SH3BP4: variants seen among roughly 807,000 people sequenced by gnomAD.
SH3BP4 encodes SH3 domain-binding protein 4.
Under a neutral mutation model 65.5 loss-of-function variants are expected in SH3BP4, and 33 were observed. The ratio of observed to expected loss-of-function variants is 0.50; its 90% CI spans 0.38 to 0.67. The LOEUF (loss-of-function observed/expected upper bound fraction) is 0.67. Among genes scored for constraint, SH3BP4 ranks in the 30% least tolerant of loss-of-function variants. The pLI is 0.00. For missense variants in SH3BP4, 1,134 were observed against 1,261.4 expected (o/e 0.90, Z 1.53); for synonymous variants, 552 against 545.5 (o/e 1.01, Z -0.17).
At chr2:234,968,780 G>A (rs1202055221) in intron 1 of SH3BP4, among the ~76,000 whole-genome samples, 2 of 152,146 alleles carry the variant, frequency 1.3e-5, no homozygotes, top group African/African-American at 4.8e-5. Context: ...GGATGTTTCC[G>A]TTGCTTTGCA....
rs1559263831 is a variant in SH3BP4 at position 235,054,715 on chromosome 2, T to C, written c.*899T>C. Reference sequence around the variant, plus strand: ...CTTGAGGTCAAAGCAGTGCTTCCCATAGAGTTTGCTGCCTCTTCTGTGGAC... The same window carrying C: ...CTTGAGGTCAAAGCAGTGCTTCCCACAGAGTTTGCTGCCTCTTCTGTGGAC... On this transcript the variant is annotated 3_prime_UTR_variant, in exon 6 of 6. Coordinates refer to ENST00000392011, the MANE Select transcript of SH3BP4 (RefSeq NM_014521.3). 1 of 152,224 alleles carries C rather than the reference T, an allele frequency of 6.6e-6. No individual in the cohort carries two copies. Among genetic ancestry groups the C allele is most frequent in the Non-Finnish European group, 1.5e-5 (1 of 68,038 alleles). The allele number at this position is 152,224 out of a possible 1,614,324, so 9.4% of individuals were successfully genotyped here.
Position 235,053,690 on chromosome 2 carries a change from C to A in SH3BP4, c.2766C>A (p.Asp922Glu). 6.2e-7 allele frequency: 1 copy of A among 1,614,162 alleles called. No homozygotes were observed. Among genetic ancestry groups the A allele is most frequent in the Non-Finnish European group, 8.5e-7 (1 of 1,179,990 alleles). The change falls in exon 6 of 6, where the codon GAC becomes GAA. Residue 922 changes from aspartate to glutamate, a missense_variant. Transcript: ENST00000392011. ...DVIQELHLGLDKMKNPITKRW... is the reference protein window; with the variant it reads ...DVIQELHLGLEKMKNPITKRW... The stretch of plus-strand genomic sequence containing the variant: ...TCCAGGAGCTGCACCTGGGCCTGGA[C>A]AAGATGAAAAACCCCATCACCAAGC...
intron 2 of SH3BP4, among the ~76,000 whole-genome samples, chr2:235,000,917 T>A (rs191586238): frequency 3.1e-4 from 47 of 152,370 alleles, no homozygotes; most frequent in Non-Finnish European, 6.0e-4. Context: ...CGTCACCTTG[T>A]TCTGACCTCT....
intron 1 of SH3BP4, among the ~76,000 whole-genome samples, chr2:234,963,699 C>T (rs1692768671): frequency 6.6e-6 from 1 of 152,226 alleles, no homozygotes; most frequent in Non-Finnish European, 1.5e-5. Flanking sequence ...GGCCCACTCC[C>T]TCCTAGAAGG....
intron 1 of SH3BP4, among the ~76,000 whole-genome samples, chr2:234,959,262 C>T (rs1043870498): frequency 1.3e-5 from 2 of 152,176 alleles, no homozygotes; most frequent in African/African-American, 4.8e-5. Flanking sequence ...TCTTACCTGT[C>T]TGTTGTCCCC....
chr2:235,048,370 T>C (rs1240694878), intron 4 of SH3BP4, among the ~76,000 whole-genome samples: 1 of 152,130 alleles, frequency 6.6e-6, no homozygotes, highest in East Asian at 1.9e-4. Context: ...TCGCTCTGTC[T>C]CCTAGGCGGG....
At chr2:235,025,969 G>A (rs1376595769) in intron 2 of SH3BP4, among the ~76,000 whole-genome samples, 3 of 152,206 alleles carry the variant, frequency 2.0e-5, no homozygotes, top group African/African-American at 2.4e-5. Flanking sequence ...ACGGAGGAAG[G>A]TGTGAAGAAT....
intron 1 of SH3BP4, among the ~76,000 whole-genome samples, chr2:234,969,341 A>C (rs1296887329): frequency 2.0e-5 from 3 of 152,072 alleles, no homozygotes; most frequent in African/African-American, 7.2e-5. Flanking sequence ...CTCATGGTCA[A>C]GTCCCCTCCC....
rs1040995756 is a variant in SH3BP4, at chr2:235,026,874, G to A, written c.-132-7997G>A. ...CTGTCGGTGGCTGCCCATGCCTTCCGATGGGCCTTGCTGTTTTCTCCCCCA... is the reference window on the plus strand; with the variant it reads ...CTGTCGGTGGCTGCCCATGCCTTCCAATGGGCCTTGCTGTTTTCTCCCCCA... On this transcript the variant is annotated intron_variant, in intron 2 of 5. Coordinates refer to ENST00000392011, the MANE Select transcript of SH3BP4 (RefSeq NM_014521.3). The surrounding 1 kb of genome is among the most constrained non-coding windows in gnomAD (Gnocchi z 4.6). Among the ~76,000 whole-genome samples the A allele has an allele frequency of 2.6e-5, 4 of 152,140 alleles. No individual in the cohort carries two copies. The highest frequency in any genetic ancestry group is 4.4e-5 in the Non-Finnish European group (3 of 68,028).
intron 1 of SH3BP4, among the ~76,000 whole-genome samples, chr2:234,956,192 C>G (rs891508238): frequency 6.6e-6 from 1 of 152,208 alleles, no homozygotes; most frequent in African/African-American, 2.4e-5. Context: ...CAGGGCGAAG[C>G]AAGGTTTATT....
At chr2:234,972,154 C>T (rs1253924236) in intron 1 of SH3BP4, among the ~76,000 whole-genome samples, 1 of 139,050 alleles carries the variant, frequency 7.2e-6, no homozygotes, top group African/African-American at 2.8e-5. Context: ...TGTTTTGAGA[C>T]AGTGTCTCAA....
At chr2:235,029,424 C>A (rs1362083116) in intron 2 of SH3BP4, among the ~76,000 whole-genome samples, 1 of 152,102 alleles carries the variant, frequency 6.6e-6, no homozygotes, top group African/African-American at 2.4e-5. Flanking sequence ...GTTCAGGAAC[C>A]ACTTGTTAAA....
chr2:234,960,900 G>A (rs1479342143), intron 1 of SH3BP4, among the ~76,000 whole-genome samples: 1 of 152,060 alleles, frequency 6.6e-6, no homozygotes, highest in African/African-American at 2.4e-5. Context: ...ATTGTTTTTT[G>A]TTTCCCAGCC....
At position 234,964,496 on chromosome 2, in the gene SH3BP4, A is replaced by G. The variant is rs546172036; in HGVS notation, c.-207+12326A>G. Among the ~76,000 whole-genome samples the G allele has an allele frequency of 1.9e-3, 279 of 150,212 alleles. 2 individuals are homozygous for G. Among genetic ancestry groups the G allele is most frequent in the African/African-American group, 6.5e-3 (264 of 40,854 alleles). On this transcript the variant is annotated intron_variant, in intron 1 of 5. Coordinates refer to ENST00000392011, the MANE Select transcript of SH3BP4 (RefSeq NM_014521.3). The stretch of plus-strand genomic sequence containing the variant: ...CCCAGCAGGGGAGAAGGGGCATTCA[A>G]GTGCACCAGGGGAAAGGTCAGGGTT...
chr2:234,966,089 G>C (rs1159149532), intron 1 of SH3BP4, among the ~76,000 whole-genome samples: 1 of 152,186 alleles, frequency 6.6e-6, no homozygotes, highest in Non-Finnish European at 1.5e-5. Flanking sequence ...GGAGAAAGAG[G>C]AGAAAGAGGC....
At chr2:235,010,170 A>T (rs968783198) in intron 2 of SH3BP4, among the ~76,000 whole-genome samples, 2 of 151,760 alleles carry the variant, frequency 1.3e-5, no homozygotes, top group Admixed American at 6.6e-5. Context: ...TATGGCTCCC[A>T]CCCCAGGTTT....
At chr2:234,953,219 A>C (rs748208555) in intron 1 of SH3BP4, 1 of 152,294 alleles carries the variant, frequency 6.6e-6, no homozygotes, top group Non-Finnish European at 1.5e-5. Context: ...ATGTATGCTC[A>C]GGACAGAAAG....
chr2:235,046,966 C>A lies in SH3BP4; in HGVS notation c.2478+3719C>A, dbSNP rs984280172. 2.6e-5 allele frequency among the ~76,000 whole-genome samples: 4 copies of A among 152,192 alleles called. No individual in the cohort carries two copies. Among genetic ancestry groups the A allele is most frequent in the African/African-American group, 9.6e-5 (4 of 41,454 alleles). On this transcript the variant is annotated intron_variant, in intron 4 of 5. Transcript: ENST00000392011. The surrounding 1 kb of genome is among the most constrained non-coding windows in gnomAD (Gnocchi z 4.2). The stretch of plus-strand genomic sequence containing the variant: ...TGGCTGTGGCTGCACTCAGAGCACC[C>A]CTCTGTCCTGGCCACTTCTCTCCCA...
rs1559254491 is a variant in SH3BP4, at chr2:235,038,358, A to ATG, written c.119-2529_119-2528insGT. ...TATATAGTATATATATTTTATATAT[A>ATG]TATATATAATATATATACATATATA... On this transcript the variant is annotated intron_variant, in intron 3 of 5. Coordinates refer to ENST00000392011, the MANE Select transcript of SH3BP4 (RefSeq NM_014521.3). Among the ~76,000 whole-genome samples, 13 of 14,230 alleles carry ATG rather than the reference A, an allele frequency of 9.1e-4. No individual in the cohort carries two copies. The East Asian group carries it at 0.02, about 21-fold the overall frequency. The allele number at this position is 14,230 out of a possible 152,430, so 9.3% of individuals were successfully genotyped here. A position where few individuals can be genotyped will look rare whatever the true frequency, so the allele number is the denominator to read the frequency against.
Sources: allele counts gnomAD v4.1 joint callset (sites outside exome capture counted in the v4.1 genomes callset), GRCh38; gene constraint gnomAD v4.1.1; non-coding constraint Gnocchi (gnomAD v3.1); transcripts MANE v1.5; gene names NCBI Gene and HGNC (gene_info 2026-07-23, HGNC 2026-07-21).